CDH9: variants seen among roughly 807,000 people sequenced by gnomAD.
CDH9 encodes cadherin-9.
CDH9 carries 28 observed loss-of-function variants against 70.9 expected under a neutral mutation model. The ratio of observed to expected loss-of-function variants is 0.40; its 90% confidence interval spans 0.29 to 0.54. CDH9 has a LOEUF of 0.54. CDH9 is among the 20% of genes least tolerant of loss of function. The probability of loss-of-function intolerance (pLI) is 0.59; values close to 1 mark genes in which losing one functional copy is unlikely to be tolerated. For missense variants in CDH9, 874 were observed against 984.4 expected (o/e 0.89, Z 1.50); for synonymous variants, 409 against 343.1 (o/e 1.19, Z -2.12).
chr5:26,936,448 T>G (rs1741559842), intron 2 of CDH9, among the ~76,000 whole-genome samples: 1 of 152,158 alleles, frequency 6.6e-6, no homozygotes, highest in Non-Finnish European at 1.5e-5. Context: ...AAATATTTCA[T>G]GTTGCTGAAT....
At chr5:26,944,452 A>G (rs1458146401) in intron 2 of CDH9, among the ~76,000 whole-genome samples, 5 of 152,104 alleles carry the variant, frequency 3.3e-5, no homozygotes, top group Admixed American at 1.3e-4. Flanking sequence ...GGAGTTTCAG[A>G]TCAGCCTGGA....
At chr5:26,979,186 A>T (rs1323648059) in intron 2 of CDH9, among the ~76,000 whole-genome samples, 1 of 151,724 alleles carries the variant, frequency 6.6e-6, no homozygotes, top group Admixed American at 6.6e-5. Flanking sequence ...TGCAGTTTAC[A>T]ATATATATAA....
rs200931684 is a variant in CDH9, at chr5:26,904,178, C to CT, written c.812-355dup. Reference sequence around the variant, plus strand: ...TGGGGCTTTCAAAATGGTCATCACACTTTTTTTTTTAACATGTATTCAATT... The same window carrying CT: ...TGGGGCTTTCAAAATGGTCATCACACTTTTTTTTTTTAACATGTATTCAATT... On this transcript the variant is annotated intron_variant, in intron 5 of 11. Transcript: ENST00000231021. 4.5e-3 allele frequency among the ~76,000 whole-genome samples: 624 copies of CT among 139,500 alleles called. 4 individuals carry two copies. Among genetic ancestry groups the CT allele is most frequent in the African/African-American group, 0.012 (477 of 39,992 alleles). 91.5% of individuals were successfully genotyped at this position (139,500 alleles called of 152,430 possible).
rs559754113 is a variant in CDH9 at position 26,974,196 on chromosome 5, T to G, written c.228+13910A>C. Among the ~76,000 whole-genome samples the G allele has an allele frequency of 3.3e-5, 5 of 152,182 alleles. No individual in the cohort carries two copies. In the East Asian group the frequency reaches 5.8e-4, roughly 18 times the overall value. On this transcript the variant is annotated intron_variant, in intron 2 of 11. Transcript: ENST00000231021. The stretch of plus-strand genomic sequence containing the variant: ...GAGACAGTGGTTGCAGAGATGAGAT[T>G]GCGCCACTGCACTTCAGCCAGGGCA...
chr5:27,016,867 T>A (rs1369484828), intron 1 of CDH9, among the ~76,000 whole-genome samples: 1 of 151,886 alleles, frequency 6.6e-6, no homozygotes, highest in Non-Finnish European at 1.5e-5. Context: ...TCATTCAATA[T>A]TAAATCCTTA....
At chr5:26,928,202 A>G (rs1366585100) in intron 2 of CDH9, among the ~76,000 whole-genome samples, 1 of 152,126 alleles carries the variant, frequency 6.6e-6, no homozygotes, top group East Asian at 1.9e-4. Flanking sequence ...ATATTCCAAC[A>G]GTAAGCACTC....
chr5:26,996,642 A>AT (rs1742670072), intron 1 of CDH9, among the ~76,000 whole-genome samples: 1 of 151,888 alleles, frequency 6.6e-6, no homozygotes, highest in South Asian at 2.1e-4. Context: ...TTATTAATTA[A>AT]TAGTGGTTAC....
At chr5:26,957,410 G>A (rs928820139) in intron 2 of CDH9, among the ~76,000 whole-genome samples, 25 of 152,082 alleles carry the variant, frequency 1.6e-4, no homozygotes, top group African/African-American at 4.1e-4. Context: ...ATCTGTAATC[G>A]TAGCACTTTG....
chr5:26,998,159 A>C (rs1423106791), intron 1 of CDH9, among the ~76,000 whole-genome samples: 1 of 152,224 alleles, frequency 6.6e-6, no homozygotes, highest in Non-Finnish European at 1.5e-5. Context: ...TTTGAGCAAT[A>C]GAAACAACCA....
intron 2 of CDH9, among the ~76,000 whole-genome samples, chr5:26,951,973 T>TATTTTATTTG: frequency 6.8e-6 from 1 of 147,404 alleles, no homozygotes; most frequent in South Asian, 2.1e-4. Context: ...TATTTTATTT[T>TATTTTATTTG]ATTTTATTTT....
At chr5:26,881,701 G>A (rs80242977) in intron 11 of CDH9, 78 bp from the exon 12 acceptor site, 2 of 1,301,696 alleles carry the variant, frequency 1.5e-6, no homozygotes, top group African/African-American at 1.5e-5. Context: ...TGTGAAATTC[G>A]TTTGGTGCAG....
chr5:26,974,658 A>G (rs1019603478), intron 2 of CDH9, among the ~76,000 whole-genome samples: 4 of 152,162 alleles, frequency 2.6e-5, no homozygotes, highest in Non-Finnish European at 5.9e-5. Context: ...GTGTTAATTT[A>G]TTTTGATTTT....
chr5:27,034,802 C>A (rs1188495801), intron 1 of CDH9, among the ~76,000 whole-genome samples: 4 of 151,486 alleles, frequency 2.6e-5, no homozygotes, highest in Admixed American at 2.0e-4. Context: ...CTTACTAGTG[C>A]TAAATTTAGG....
intron 2 of CDH9, among the ~76,000 whole-genome samples, chr5:26,984,203 A>G (rs542491555): frequency 6.6e-6 from 1 of 152,190 alleles, no homozygotes; most frequent in African/African-American, 2.4e-5. Flanking sequence ...TTGAGAGGTA[A>G]CTCTGCAATA....
chr5:26,991,233 T>C (rs940788330), intron 1 of CDH9, among the ~76,000 whole-genome samples: 1 of 152,148 alleles, frequency 6.6e-6, no homozygotes, highest in African/African-American at 2.4e-5. Context: ...AGATTCCCTT[T>C]GATCCTTTAA....
rs1742673756 is a variant in CDH9, at chr5:26,996,776, A to G, written c.-49-8394T>C. On this transcript the variant is annotated intron_variant, in intron 1 of 11. Transcript: ENST00000231021. Reference sequence around the variant, plus strand: ...TATATCTATATCTATAGATTTATATATAGATATAGATATGGATATGCTTTT... The same window carrying G: ...TATATCTATATCTATAGATTTATATGTAGATATAGATATGGATATGCTTTT... Among the ~76,000 whole-genome samples, 4 of 151,526 alleles carry G rather than the reference A, an allele frequency of 2.6e-5. No homozygotes were observed. The South Asian group carries it at 8.3e-4, about 31-fold the overall frequency.
At chr5:27,005,588 A>C (rs1460573324) in intron 1 of CDH9, among the ~76,000 whole-genome samples, 1 of 152,148 alleles carries the variant, frequency 6.6e-6, no homozygotes, top group Non-Finnish European at 1.5e-5. Context: ...TAGTTCAACT[A>C]CTGTGGAAAG....
chr5:26,958,368 A>G (rs912215078), intron 2 of CDH9, among the ~76,000 whole-genome samples: 1 of 152,182 alleles, frequency 6.6e-6, no homozygotes, highest in Non-Finnish European at 1.5e-5. Flanking sequence ...AATCAGAAAC[A>G]TATCTTACAC....
chr5:26,960,916 T>A (rs1028334953), intron 2 of CDH9, among the ~76,000 whole-genome samples: 2 of 152,062 alleles, frequency 1.3e-5, no homozygotes, highest in African/African-American at 4.8e-5. Context: ...CTACTAAATC[T>A]TTTGTAAAGC....
Sources: allele counts gnomAD v4.1 joint callset (sites outside exome capture counted in the v4.1 genomes callset), GRCh38; gene constraint gnomAD v4.1.1; transcripts MANE v1.5; gene names NCBI Gene and HGNC (gene_info 2026-07-23, HGNC 2026-07-21).